Variants in RARB observed in about 807,000 individuals in gnomAD.
RARB encodes retinoic acid receptor beta.
In RARB, 17 loss-of-function variants were observed where a neutral mutation model predicts 51.9. That is an observed-to-expected ratio of 0.33 (90% confidence interval 0.22 to 0.49). RARB has a LOEUF of 0.49. Among genes scored for constraint, RARB ranks in the 20% least tolerant of loss-of-function variants. The pLI is 0.99. For synonymous variants in RARB, 215 were observed against 195.4 expected, an observed-to-expected ratio of 1.10 and a Z score of -0.84; for missense variants, 369 against 550.8, an observed-to-expected ratio of 0.67 and a Z score of 3.30.
intron 2 of RARB, among the ~76,000 whole-genome samples, chr3:25,488,094 G>T (rs1457348246): frequency 6.6e-6 from 1 of 152,176 alleles, no homozygotes; most frequent in African/African-American, 2.4e-5. Context: ...CCAAAGTCTA[G>T]GGACTGTGCT....
At chr3:25,590,046 C>G (rs538612274) in intron 5 of RARB, among the ~76,000 whole-genome samples, 1 of 152,280 alleles carries the variant, frequency 6.6e-6, no homozygotes, top group South Asian at 2.1e-4. Context: ...CAGGCTGGGG[C>G]CGGGGCAGGG....
chr3:25,417,514 A>G (rs937415134), intron 5 of RARB, among the ~76,000 whole-genome samples: 6 of 152,010 alleles, frequency 3.9e-5, no homozygotes, highest in Non-Finnish European at 4.4e-5. Flanking sequence ...ACAAAATCCA[A>G]TGGTTTTAAA....
At chr3:25,275,136 A>T (rs1703350747) in intron 5 of RARB, among the ~76,000 whole-genome samples, 1 of 152,170 alleles carries the variant, frequency 6.6e-6, no homozygotes, top group Non-Finnish European at 1.5e-5. Flanking sequence ...TGGTGACCAC[A>T]TCATACCCAC....
At chr3:25,407,451 A>G (rs983653401) in intron 5 of RARB, among the ~76,000 whole-genome samples, 6 of 152,232 alleles carry the variant, frequency 3.9e-5, no homozygotes, top group Non-Finnish European at 7.3e-5. Context: ...CTGCTTAAAT[A>G]TGGTAGGTTC....
rs530399514 is a variant in RARB, at chr3:25,332,204, A to C, written c.179-128989A>C. 2.3e-3 allele frequency among the ~76,000 whole-genome samples: 351 copies of C among 152,182 alleles called. 1 individual carries two copies. The highest frequency in any genetic ancestry group is 7.9e-3 in the African/African-American group (328 of 41,532). ...GCCAGCATCATCCTGATACCAAAGC[A>C]TGGCAGAGACACAACAAAAAAAGAG... is the stretch of plus-strand genomic sequence containing the variant. On this transcript the variant is annotated intron_variant, in intron 5 of 11. Transcript: ENST00000383772.
intron 5 of RARB, among the ~76,000 whole-genome samples, chr3:25,239,107 T>A (rs966359308): frequency 1.3e-5 from 2 of 152,252 alleles, no homozygotes; most frequent in African/African-American, 4.8e-5. Context: ...TATGTTTTCT[T>A]TTGAGAAATG....
At chr3:24,868,881 C>G (rs2125347696) in intron 2 of RARB, among the ~76,000 whole-genome samples, 1 of 152,236 alleles carries the variant, frequency 6.6e-6, no homozygotes, top group Non-Finnish European at 1.5e-5. Flanking sequence ...TGGGCCAAAC[C>G]AATGTACACT....
At chr3:24,895,384 T>TA (rs2125367224) in intron 2 of RARB, among the ~76,000 whole-genome samples, 1 of 152,318 alleles carries the variant, frequency 6.6e-6, no homozygotes, top group African/African-American at 2.4e-5. Context: ...GAAAGTGGGT[T>TA]AAAACACAGA....
intron 2 of RARB, among the ~76,000 whole-genome samples, chr3:24,925,579 G>T (rs1362664743): frequency 1.3e-5 from 2 of 150,428 alleles, no homozygotes; most frequent in African/African-American, 4.9e-5. Context: ...GAGATCGAGG[G>T]AGGCTGTAGT....
intron 1 of RARB, among the ~76,000 whole-genome samples, chr3:25,446,605 C>A (rs1708945608): frequency 6.6e-6 from 1 of 152,002 alleles, no homozygotes; most frequent in Admixed American, 6.6e-5. Flanking sequence ...AGATTGAGAC[C>A]ATCCTGGCGA....
At chr3:25,107,838 TGTTCTTACTGTA>T (rs2125324110) in intron 3 of RARB, among the ~76,000 whole-genome samples, 1 of 152,340 alleles carries the variant, frequency 6.6e-6, no homozygotes, top group African/African-American at 2.4e-5. Flanking sequence ...ATAAAATACT[TGTTCTTACTGTA>T]GATCTTAGCA....
chr3:25,100,531 T>C (rs999284206), intron 3 of RARB, among the ~76,000 whole-genome samples: 6 of 152,218 alleles, frequency 3.9e-5, no homozygotes, highest in Non-Finnish European at 7.4e-5. Flanking sequence ...ATCTGGTTCC[T>C]AAGAATACAT....
chr3:25,230,393 T>C (rs1202679017), intron 5 of RARB, among the ~76,000 whole-genome samples: 1 of 151,966 alleles, frequency 6.6e-6, no homozygotes, highest in Non-Finnish European at 1.5e-5. Context: ...ACTTCCCTTT[T>C]CTCCCACTCA....
chr3:25,359,187 C>T (rs1005240002), intron 5 of RARB, among the ~76,000 whole-genome samples: 10 of 152,114 alleles, frequency 6.6e-5, no homozygotes, highest in South Asian at 2.1e-4. Flanking sequence ...AGGGATTCGA[C>T]GTCTTCCTGG....
chr3:25,293,934 G>C (rs1345485658), intron 5 of RARB, among the ~76,000 whole-genome samples: 1 of 152,204 alleles, frequency 6.6e-6, no homozygotes, highest in East Asian at 1.9e-4. Context: ...ATGGCTCATC[G>C]GTTGTCTGCA....
chr3:24,872,259 A>G (rs1702961814), intron 2 of RARB, among the ~76,000 whole-genome samples: 1 of 152,022 alleles, frequency 6.6e-6, no homozygotes, highest in Non-Finnish European at 1.5e-5. Context: ...TCTCAGTGCT[A>G]TGTCTTGAGC....
intron 2 of RARB, among the ~76,000 whole-genome samples, chr3:25,044,304 T>A (rs116874371): frequency 6.6e-6 from 1 of 152,154 alleles, no homozygotes; most frequent in Non-Finnish European, 1.5e-5. Flanking sequence ...CATGAGAAAT[T>A]GGCCTTGTGT....
intron 5 of RARB, among the ~76,000 whole-genome samples, chr3:25,355,928 GA>G (rs1575337174): frequency 6.6e-6 from 1 of 151,420 alleles, no homozygotes; most frequent in East Asian, 1.9e-4. Context: ...TCACTAATTA[GA>G]AAAAAAAGTT....
chr3:25,193,439 GA>G (rs1701152125), intron 5 of RARB, among the ~76,000 whole-genome samples: 1 of 152,000 alleles, frequency 6.6e-6, no homozygotes, highest in South Asian at 2.1e-4. Flanking sequence ...AAAAAGTTCA[GA>G]AATCAATTAT....
Sources: allele counts gnomAD v4.1 joint callset (sites outside exome capture counted in the v4.1 genomes callset), GRCh38; gene constraint gnomAD v4.1.1; transcripts MANE v1.5; gene names NCBI Gene and HGNC (gene_info 2026-07-23, HGNC 2026-07-21).